WDFY4: variants seen among roughly 807,000 people sequenced by gnomAD.
WDFY4 encodes the protein WD repeat- and FYVE domain-containing protein 4.
WDFY4 carries 169 observed loss-of-function variants against 351.9 expected under a neutral mutation model. The observed-to-expected ratio is 0.48, with a 90% confidence interval of 0.42 to 0.55. The LOEUF (loss-of-function observed/expected upper bound fraction) is 0.55, where lower values mean the gene tolerates loss of function less well. Among genes scored for constraint, WDFY4 ranks in the 20% least tolerant of loss-of-function variants. The pLI is 0.00. For synonymous variants in WDFY4, 1,622 were observed against 1,574.6 expected (o/e 1.03, Z -0.71); for missense variants, 3,803 against 3,935.6 (o/e 0.97, Z 0.90).
At chr10:48,885,380 C>G (rs945043031) in intron 43 of WDFY4, among the ~76,000 whole-genome samples, 4 of 152,340 alleles carry the variant, frequency 2.6e-5, no homozygotes, top group African/African-American at 9.6e-5. Context: ...ATGATCAGTC[C>G]TTAGTGAACA....
At chr10:48,697,832 G>C (rs1355369794) in intron 1 of WDFY4, among the ~76,000 whole-genome samples, 2 of 152,128 alleles carry the variant, frequency 1.3e-5, no homozygotes, top group Non-Finnish European at 2.9e-5. Flanking sequence ...AACCATGCTG[G>C]CCTCCCTTTT....
chr10:48,710,175 T>C (rs2063733181), intron 2 of WDFY4, among the ~76,000 whole-genome samples: 1 of 152,214 alleles, frequency 6.6e-6, no homozygotes, highest in Non-Finnish European at 1.5e-5. Flanking sequence ...TTCTCATAGT[T>C]TGGAGCCTGG....
At chr10:48,743,695 T>C in intron 12 of WDFY4, 147 bp downstream of exon 12, 1 of 937,904 alleles carries the variant, frequency 1.1e-6, no homozygotes, top group Non-Finnish European at 1.6e-6. Context: ...CAAATCAAGT[T>C]AGCTCTGACT....
At chr10:48,910,190 GT>G in intron 47 of WDFY4, 1 of 1,499,354 alleles carries the variant, frequency 6.7e-7, no homozygotes, top group Non-Finnish European at 9.3e-7. Context: ...CTTCAGAGTC[GT>G]TTATTCTGTT....
At chr10:48,867,073 G>A (rs576173302) in intron 39 of WDFY4, among the ~76,000 whole-genome samples, 192 bp from the exon 40 acceptor site, 28 of 152,138 alleles carry the variant, frequency 1.8e-4, no homozygotes, top group African/African-American at 4.8e-4. Context: ...GGGAGGCTGA[G>A]GCAGGAGAAT....
intron 1 of WDFY4, among the ~76,000 whole-genome samples, chr10:48,698,033 T>C (rs1471633599): frequency 6.6e-6 from 1 of 152,174 alleles, no homozygotes; most frequent in Non-Finnish European, 1.5e-5. Context: ...GCCCCAGCTC[T>C]TGAGATGGCC....
intron 47 of WDFY4, among the ~76,000 whole-genome samples, chr10:48,906,273 G>A (rs145595896): frequency 9.2e-4 from 140 of 152,280 alleles, no homozygotes; most frequent in African/African-American, 3.2e-3. Context: ...GATGACTCAT[G>A]TGGCTCCTTT....
chr10:48,794,124 G>A (rs1020809702), intron 23 of WDFY4, among the ~76,000 whole-genome samples: 1 of 152,174 alleles, frequency 6.6e-6, no homozygotes, highest in Admixed American at 6.5e-5. Context: ...TGTGGGGAAC[G>A]TAGGTTCTGC....
chr10:48,851,221 C>T (rs2068946930), intron 39 of WDFY4, among the ~76,000 whole-genome samples: 1 of 152,158 alleles, frequency 6.6e-6, no homozygotes, highest in South Asian at 2.1e-4. Context: ...TGCCGAGGTG[C>T]TGCAAGACTG....
At chr10:48,967,594 C>G (rs1009680937) in intron 55 of WDFY4, 1 of 149,626 alleles carries the variant, frequency 6.7e-6, no homozygotes, top group Non-Finnish European at 1.5e-5. Flanking sequence ...CAGAGAGGCT[C>G]TATAGAAGCA....
At chr10:48,963,128 T>A (rs1211061744) in intron 53 of WDFY4, among the ~76,000 whole-genome samples, 2 of 152,150 alleles carry the variant, frequency 1.3e-5, no homozygotes, top group Non-Finnish European at 2.9e-5. Flanking sequence ...AAACCACACA[T>A]GAGCCTGCCC....
At chr10:48,716,108 AT>A (rs200130758) in intron 2 of WDFY4, among the ~76,000 whole-genome samples, 6 of 149,608 alleles carry the variant, frequency 4.0e-5, no homozygotes, top group Admixed American at 6.7e-5. Flanking sequence ...TTGATGCGCC[AT>A]TTTTTTTTCA....
chr10:48,856,936 A>G (rs2069154704), intron 39 of WDFY4, among the ~76,000 whole-genome samples: 1 of 152,208 alleles, frequency 6.6e-6, no homozygotes, highest in Non-Finnish European at 1.5e-5. Flanking sequence ...ATTTTCCAAA[A>G]TTCTAGTATT....
chr10:48,862,571 G>T (rs2069381867), intron 39 of WDFY4, among the ~76,000 whole-genome samples: 1 of 152,050 alleles, frequency 6.6e-6, no homozygotes, highest in Admixed American at 6.6e-5. Context: ...AACAGCTCAA[G>T]GTTGTTCTAT....
intron 12 of WDFY4, among the ~76,000 whole-genome samples, chr10:48,749,992 C>T (rs2065130995): frequency 6.6e-6 from 1 of 152,188 alleles, no homozygotes; most frequent in African/African-American, 2.4e-5. Context: ...GACATCATTT[C>T]AACAGGAATG....
At position 48,880,675 on chromosome 10, in the gene WDFY4, G is replaced by T. The variant is rs113879790; in HGVS notation, c.7167+3476G>T. On this transcript the variant is annotated intron_variant, in intron 43 of 61. Transcript: ENST00000325239. ...GGACCCTGTGTGAGGTTCGGCTCCT[G>T]GCCCAGAGGACTGGGCAGAGTGACC... 2.8e-3 allele frequency among the ~76,000 whole-genome samples: 427 copies of T among 152,328 alleles called. 3 individuals carry two copies. Among genetic ancestry groups the T allele is most frequent in the African/African-American group, 9.6e-3 (400 of 41,576 alleles).
At position 48,973,974 on chromosome 10, in the gene WDFY4, C is replaced by T. The variant is rs1200645631; in HGVS notation, c.8929-888C>T. On this transcript the variant is annotated intron_variant, in intron 57 of 61. Transcript: ENST00000325239. ...CCCTTTTCTTCTTCCCAGTTTAGTT[C>T]AAGAGTGCACGTGCCTCTGAGGTTC... 3.3e-5 allele frequency among the ~76,000 whole-genome samples: 5 copies of T among 152,310 alleles called. No individual in the cohort carries two copies. In the East Asian group the frequency reaches 9.6e-4, roughly 29 times the overall value.
chr10:48,814,718 G>A (rs187642396), intron 31 of WDFY4, among the ~76,000 whole-genome samples: 1 of 152,328 alleles, frequency 6.6e-6, no homozygotes, highest in East Asian at 1.9e-4. Flanking sequence ...GAAACTTACT[G>A]CTTTTGTAAA....
chr10:48,967,099 T>G (rs1033850504), intron 55 of WDFY4: 4 of 158,518 alleles, frequency 2.5e-5, no homozygotes, highest in African/African-American at 1.0e-4. Context: ...CCACTGGTCC[T>G]CCTAAGCAGG....
Sources: allele counts gnomAD v4.1 joint callset (sites outside exome capture counted in the v4.1 genomes callset), GRCh38; gene constraint gnomAD v4.1.1; transcripts MANE v1.5; gene names NCBI Gene and HGNC (gene_info 2026-07-23, HGNC 2026-07-21).